Variants in BAIAP2 observed in about 807,000 individuals in gnomAD.
The protein encoded by BAIAP2 is BAR/IMD domain containing adaptor protein 2, also known as BAR/IMD domain-containing adapter protein 2.
Under a neutral mutation model 63.0 loss-of-function variants are expected in BAIAP2, and 18 were observed. That is an observed-to-expected ratio of 0.29 (90% CI 0.20 to 0.42). The LOEUF (loss-of-function observed/expected upper bound fraction) is 0.42. Among genes scored for constraint, BAIAP2 ranks in the 10% least tolerant of loss-of-function variants. BAIAP2 has a pLI of 1.00. For missense variants in BAIAP2, 610 were observed against 734.3 expected, an observed-to-expected ratio of 0.83 and a Z score of 1.96; for synonymous variants, 386 against 307.6, an observed-to-expected ratio of 1.25 and a Z score of -2.67.
At chr17:81,043,858 C>T (rs1014338813) in intron 1 of BAIAP2, among the ~76,000 whole-genome samples, 6 of 152,358 alleles carry the variant, frequency 3.9e-5, no homozygotes, top group East Asian at 3.9e-4. Flanking sequence ...TTCGGGAGTT[C>T]GAGGAGTTCA....
chr17:81,115,067 C>T (rs2060366909), intron 13 of BAIAP2, among the ~76,000 whole-genome samples: 1 of 152,260 alleles, frequency 6.6e-6, no homozygotes, highest in Non-Finnish European at 1.5e-5. Flanking sequence ...TCAGGCATCC[C>T]TCTCATCCGT....
intron 3 of BAIAP2, among the ~76,000 whole-genome samples, chr17:81,071,453 T>TG (rs1350440246): frequency 1.3e-5 from 2 of 152,210 alleles, no homozygotes; most frequent in Non-Finnish European, 2.9e-5. Context: ...TTGAGAGTTG[T>TG]GGATAGCTAC....
chr17:81,036,257 G>A (rs1368750431), intron 1 of BAIAP2, among the ~76,000 whole-genome samples: 1 of 152,234 alleles, frequency 6.6e-6, no homozygotes, highest in Non-Finnish European at 1.5e-5. Flanking sequence ...TGCTCTGGGT[G>A]TCCCTGGGTC....
intron 13 of BAIAP2, chr17:81,111,073 A>G (rs956927140): frequency 6.2e-6 from 8 of 1,291,546 alleles, no homozygotes; most frequent in African/African-American, 4.4e-5. Flanking sequence ...TGGCGGGGCC[A>G]GGGGTCCACT....
intron 6 of BAIAP2, among the ~76,000 whole-genome samples, chr17:81,098,962 G>A (rs981860144): frequency 1.5e-5 from 2 of 137,784 alleles, no homozygotes; most frequent in African/African-American, 3.0e-5. Context: ...CATTCTCCCC[G>A]TCCCCCCATC....
At chr17:81,114,070 T>TCCTCCCACTTCAG (rs1364209686) in intron 13 of BAIAP2, among the ~76,000 whole-genome samples, 2 of 146,760 alleles carry the variant, frequency 1.4e-5, no homozygotes, top group Non-Finnish European at 3.0e-5. Flanking sequence ...GTTCAAGCGA[T>TCCTCCCACTTCAG]CCTCCCACTT....
chr17:81,057,524 A>T (rs1412783384), intron 2 of BAIAP2: 1 of 506,550 alleles, frequency 2.0e-6, no homozygotes, highest in African/African-American at 2.1e-5. Context: ...TTCCTTGCCC[A>T]GGGTTGGTTC....
chr17:81,074,674 G>A (rs904428927), intron 3 of BAIAP2, among the ~76,000 whole-genome samples: 2 of 146,540 alleles, frequency 1.4e-5, no homozygotes, highest in African/African-American at 5.1e-5. Context: ...GCACGGATGC[G>A]TATGAGTGCC....
At chr17:81,057,672 A>G in intron 2 of BAIAP2, 3 of 1,369,178 alleles carry the variant, frequency 2.2e-6, no homozygotes, top group Middle Eastern at 2.7e-4. Flanking sequence ...TTACGAGTCA[A>G]GGGAGCTCTC....
At chr17:81,091,512 C>T (rs1483345922) in intron 6 of BAIAP2, among the ~76,000 whole-genome samples, 3 of 152,156 alleles carry the variant, frequency 2.0e-5, no homozygotes, top group Non-Finnish European at 4.4e-5. Context: ...GACCTGCCTG[C>T]CCCCAGCTCT....
At chr17:81,047,276 GAC>G (rs1396044858) in intron 1 of BAIAP2, among the ~76,000 whole-genome samples, 23 of 152,192 alleles carry the variant, frequency 1.5e-4, no homozygotes, top group African/African-American at 5.3e-4. Context: ...ACCAAGAGCT[GAC>G]AGGCTGGCCC....
chr17:81,045,466 G>A (rs1416283590), intron 1 of BAIAP2, among the ~76,000 whole-genome samples: 1 of 152,162 alleles, frequency 6.6e-6, no homozygotes. Flanking sequence ...GGAGCCTGGC[G>A]GGTAGGGCAG....
intron 3 of BAIAP2, among the ~76,000 whole-genome samples, chr17:81,061,361 T>C (rs932397805): frequency 1.3e-5 from 2 of 152,248 alleles, no homozygotes; most frequent in South Asian, 2.1e-4. Context: ...TTTTGACGTG[T>C]GTACACCTGT....
chr17:81,092,563 G>A (rs1225321739), intron 6 of BAIAP2, among the ~76,000 whole-genome samples: 5 of 152,144 alleles, frequency 3.3e-5, no homozygotes, highest in African/African-American at 1.2e-4. Flanking sequence ...TTGTAATTGA[G>A]ATGGTGTTTT....
In BAIAP2 at chr17:81,116,089, G is replaced by C. The variant is rs1473729333; in HGVS notation, c.*250G>C. 12 of 1,516,166 alleles carry C rather than the reference G, an allele frequency of 7.9e-6. No individual in the cohort carries two copies. Among genetic ancestry groups the C allele is most frequent in the Non-Finnish European group, 9.7e-6 (11 of 1,135,232 alleles). 93.9% of individuals were successfully genotyped at this position (1,516,166 alleles called of 1,614,324 possible). Reference sequence around the variant, plus strand: ...AGGGCTGAGGGGCCGCCTCTTGAGGGTACACGCCTCTGGTCACATGGCCAT... The same window carrying C: ...AGGGCTGAGGGGCCGCCTCTTGAGGCTACACGCCTCTGGTCACATGGCCAT... On this transcript the variant is annotated 3_prime_UTR_variant, in exon 14 of 14. Transcript: ENST00000428708.
At chr17:81,096,707 C>CT (rs1263423495) in intron 6 of BAIAP2, among the ~76,000 whole-genome samples, 42 of 152,246 alleles carry the variant, frequency 2.8e-4, no homozygotes, top group Non-Finnish European at 5.1e-4. Flanking sequence ...GCACAGCGGG[C>CT]TCAGGTGTCC....
At chr17:81,038,518 G>A (rs1315402691) in intron 1 of BAIAP2, among the ~76,000 whole-genome samples, 1 of 152,208 alleles carries the variant, frequency 6.6e-6, no homozygotes, top group Non-Finnish European at 1.5e-5. Flanking sequence ...GGCCTTCCTT[G>A]TGCCGAGGCT....
At chr17:81,044,396 G>C (rs2047506188) in intron 1 of BAIAP2, among the ~76,000 whole-genome samples, 2 of 152,258 alleles carry the variant, frequency 1.3e-5, no homozygotes, top group Non-Finnish European at 2.9e-5. Flanking sequence ...AGACTGGTGT[G>C]CCCACAGGAC....
At chr17:81,069,418 C>A (rs1214222364) in intron 3 of BAIAP2, among the ~76,000 whole-genome samples, 1 of 151,988 alleles carries the variant, frequency 6.6e-6, no homozygotes, top group African/African-American at 2.4e-5. Flanking sequence ...GAGAGTGGCC[C>A]CTGGCAAGGT....
Sources: allele counts gnomAD v4.1 joint callset (sites outside exome capture counted in the v4.1 genomes callset), GRCh38; gene constraint gnomAD v4.1.1; transcripts MANE v1.5; gene names NCBI Gene and HGNC (gene_info 2026-07-23, HGNC 2026-07-21).